AKTIP: variants seen among roughly 807,000 people sequenced by gnomAD.
The protein encoded by AKTIP is AKT interacting protein, also known as AKT-interacting protein.
A neutral mutation model predicts 39.1 loss-of-function variants in AKTIP; 16 were observed. The observed-to-expected ratio is 0.41, with a 90% CI of 0.28 to 0.62. The LOEUF is 0.62. Among genes scored for constraint, AKTIP ranks in the 20% least tolerant of loss-of-function variants. The pLI is 0.32. For missense variants in AKTIP, 262 were observed against 356.6 expected, an observed-to-expected ratio of 0.73 and a Z score of 2.14; for synonymous variants, 93 against 124.3, an observed-to-expected ratio of 0.75 and a Z score of 1.67.
rs777772866 is a variant in AKTIP at position 53,492,756 on chromosome 16, TAAGG to T, written c.711-7_711-4del. On this transcript the variant is annotated splice_region_variant and splice_polypyrimidine_tract_variant and intron_variant, in intron 8 of 9. Coordinates refer to ENST00000394657, the MANE Select transcript of AKTIP (RefSeq NM_022476.4). ...CAGAAGGATTCCATGGAGAAAAGCT[TAAGG>T]AAGAGAAAAGTATTTAAAAACTATT... The T allele has an allele frequency of 1.9e-6, 3 of 1,613,054 alleles. No individual in the cohort carries two copies. Among genetic ancestry groups the T allele is most frequent in the South Asian group, 1.1e-5 (1 of 90,914 alleles).
chr16:53,494,314 A>C, intron 7 of AKTIP, 25 bp downstream of exon 7: 2 of 1,612,990 alleles, frequency 1.2e-6, no homozygotes, highest in Non-Finnish European at 1.7e-6. Context: ...AATTTATTTT[A>C]AATAACAAAG....
At chr16:53,495,736 A>G (rs1961793462) in intron 3 of AKTIP, among the ~76,000 whole-genome samples, 1 of 152,222 alleles carries the variant, frequency 6.6e-6, no homozygotes, top group African/African-American at 2.4e-5. Context: ...TATTTGTAAA[A>G]TTATGCTTTT....
intron 5 of AKTIP, chr16:53,494,872 C>T (rs1215230337): frequency 8.2e-6 from 6 of 733,654 alleles, no homozygotes; most frequent in Admixed American, 4.0e-5. Context: ...GGCAGCCAGC[C>T]TCCCTTGCAG....
At chr16:53,499,309 C>T (rs967965994) in intron 2 of AKTIP, among the ~76,000 whole-genome samples, 16 of 152,116 alleles carry the variant, frequency 1.1e-4, no homozygotes, top group African/African-American at 3.9e-4. Context: ...CATCTAAAGG[C>T]CCTGAATTCA....
In AKTIP at chr16:53,498,445, C is replaced by T; in HGVS notation, c.194G>A (p.Gly65Asp). 1 of 1,613,982 alleles carries T rather than the reference C, an allele frequency of 6.2e-7. No individual in the cohort carries two copies. Among genetic ancestry groups the T allele is most frequent in the Middle Eastern group, 1.7e-4 (1 of 6,056 alleles). ...GAAGGGTCCATAGGACGCATGCGTG[C>T]CATTTGTTGACTGTGCTGCTGGGGC... ...SPAPAAQSTN[G>D]THASYGPFYL... The change falls in exon 3 of 10, where the codon GGC becomes GAC. Residue 65 changes from glycine to aspartate, a missense_variant. Around this residue, in one of 4 missense-constraint regions of AKTIP, gnomAD observed 88 missense variants for 132.1 expected, o/e 0.67. Coordinates refer to ENST00000394657, the MANE Select transcript of AKTIP (RefSeq NM_022476.4).
chr16:53,500,095 A>G, intron 2 of AKTIP, 123 bp downstream of exon 2: 1 of 676,032 alleles, frequency 1.5e-6, no homozygotes, highest in Non-Finnish European at 2.5e-6. Context: ...TTAACTAGAA[A>G]AACCAGGTAA....
intron 3 of AKTIP, among the ~76,000 whole-genome samples, chr16:53,497,334 G>T (rs1961900295): frequency 6.6e-6 from 1 of 152,184 alleles, no homozygotes; most frequent in Non-Finnish European, 1.5e-5. Flanking sequence ...AGACCTCGGT[G>T]ACCAGTCAGC....
At chr16:53,498,740 T>C in intron 2 of AKTIP, 144 bp from the exon 3 acceptor site, 2 of 816,210 alleles carry the variant, frequency 2.5e-6, no homozygotes, top group Non-Finnish European at 2.0e-6. Flanking sequence ...AGAAAGTCCT[T>C]TGGGCAGGCA....
chr16:53,493,997 G>C, intron 8 of AKTIP, 141 bp downstream of exon 8: 1 of 634,314 alleles, frequency 1.6e-6, no homozygotes, highest in South Asian at 2.0e-5. Flanking sequence ...CAGAAATCGA[G>C]TTGGCACCAA....
chr16:53,496,428 A>C (rs75326262), intron 3 of AKTIP, among the ~76,000 whole-genome samples: 3,823 of 152,048 alleles, frequency 0.025, 161 homozygotes, highest in African/African-American at 0.088. Flanking sequence ...TATACAGTTA[A>C]AAAGTTACAC....
chr16:53,499,605 G>A (rs778705866), intron 2 of AKTIP, among the ~76,000 whole-genome samples: 8 of 151,764 alleles, frequency 5.3e-5, no homozygotes, highest in Non-Finnish European at 7.4e-5. Context: ...GACAACAGGC[G>A]CCCGCCACCA....
intron 4 of AKTIP, 35 bp downstream of exon 4, chr16:53,495,227 T>G: frequency 6.2e-7 from 1 of 1,613,746 alleles, no homozygotes; most frequent in Non-Finnish European, 8.5e-7. Context: ...AGGAACTAAA[T>G]GTGCCCATAA....
intron 1 of AKTIP, chr16:53,501,592 A>G (rs1962173296): frequency 1.3e-5 from 2 of 152,214 alleles, no homozygotes; most frequent in African/African-American, 4.8e-5. Context: ...AAGGGTCAAA[A>G]CTAAGCAACG....
intron 3 of AKTIP, among the ~76,000 whole-genome samples, chr16:53,496,840 C>CA (rs774187876): frequency 1.1e-4 from 17 of 151,014 alleles, no homozygotes; most frequent in African/African-American, 2.9e-4. Context: ...GACTCCATCT[C>CA]AAAAAAAAGA....
Position 53,492,503 on chromosome 16 carries a change from T to C in AKTIP, c.788A>G (p.His263Arg). 1.2e-6 allele frequency: 2 copies of C among 1,614,208 alleles called. No homozygotes were observed. Among genetic ancestry groups the C allele is most frequent in the Non-Finnish European group, 1.7e-6 (2 of 1,180,038 alleles). The part of the protein sequence containing the change: ...MLTQKKPEEQ[H>R]NKSVHVAGLS... ...GCCAGCAACATGAACACTTTTATTG[T>C]GCTGTTCTTCAGGCTTCTTCTAGGC... The change falls in exon 10 of 10, where the codon CAC becomes CGC. Residue 263 changes from histidine (H) to arginine (R), a missense_variant. By Grantham distance (29) the His-to-Arg change is conservative (BLOSUM62 0). Coordinates refer to ENST00000394657, the MANE Select transcript of AKTIP (RefSeq NM_022476.4).
intron 8 of AKTIP, chr16:53,493,881 T>G: frequency 2.1e-6 from 1 of 469,226 alleles, no homozygotes; most frequent in Non-Finnish European, 3.8e-6. Context: ...AATGAATAAA[T>G]ATATCACAAG....
intron 3 of AKTIP, among the ~76,000 whole-genome samples, chr16:53,497,743 G>T (rs1336391577): frequency 6.6e-6 from 1 of 152,224 alleles, no homozygotes; most frequent in Non-Finnish European, 1.5e-5. Context: ...AATTTATTAA[G>T]TTCCTAATCT....
intron 3 of AKTIP, among the ~76,000 whole-genome samples, chr16:53,495,701 TC>T (rs1961790323): frequency 6.6e-6 from 1 of 152,248 alleles, no homozygotes. Flanking sequence ...TGAGGTAAGT[TC>T]TGTACAGCTG....
chr16:53,495,427 G>T, intron 3 of AKTIP, 101 bp from the exon 4 acceptor site: 1 of 1,095,294 alleles, frequency 9.1e-7, no homozygotes, highest in Non-Finnish European at 1.4e-6. Flanking sequence ...CCCCTCAATG[G>T]GCAGCTGATG....
Sources: gnomAD v4.1 joint callset for allele counts (sites outside exome capture counted in the v4.1 genomes callset) on GRCh38, gnomAD v4.1.1 for gene constraint, gnomAD v4.1.1 regional missense constraint, MANE v1.5 for transcripts, NCBI Gene and HGNC (gene_info 2026-07-23, HGNC 2026-07-21) for gene names.